The following FGF13 variants were observed in gnomAD, a reference collection of about 807,000 sequenced individuals.
FGF13 encodes the protein fibroblast growth factor 13.
FGF13 carries 2 observed loss-of-function variants against 19.5 expected under a neutral mutation model. The ratio of observed to expected loss-of-function variants is 0.10; its 90% CI spans 0.04 to 0.32. The LOEUF (loss-of-function observed/expected upper bound fraction) is 0.32. Ranked by LOEUF, FGF13 falls within the 10% of genes least tolerant of loss-of-function variation. The pLI, the probability that FGF13 is intolerant of heterozygous loss-of-function variation, is 1.00. For synonymous variants in FGF13, 72 were observed against 76.9 expected, an observed-to-expected ratio of 0.94 and a Z score of 0.33; for missense variants, 113 against 192.7, an observed-to-expected ratio of 0.59 and a Z score of 2.45.
At position 138,631,334 on chromosome X, in the gene FGF13, C is replaced by A. The variant is rs2089113814; in HGVS notation, c.*1516G>T. The A allele has an allele frequency of 8.9e-6, 1 of 111,994 alleles. No homozygotes were observed. Among genetic ancestry groups the A allele is most frequent in the African/African-American group, 3.2e-5 (1 of 30,818 alleles). 9.2% of individuals were successfully genotyped at this position (111,994 alleles called of 1,213,427 possible). Reference sequence around the variant, plus strand: ...GGCAGAGAAAATACTAGCACAAACGCCTCATTTGTATAATTTGACTACTGA... The same window carrying A: ...GGCAGAGAAAATACTAGCACAAACGACTCATTTGTATAATTTGACTACTGA... On this transcript the variant is annotated 3_prime_UTR_variant, in exon 5 of 5. Coordinates refer to ENST00000315930, the MANE Select transcript of FGF13 (RefSeq NM_004114.5).
intron 1 of FGF13, among the ~76,000 whole-genome samples, chrX:138,950,510 C>T (rs2091805655): frequency 9.0e-6 from 1 of 111,710 alleles, no homozygotes; most frequent in Non-Finnish European, 1.9e-5. Context: ...GTCATATGTC[C>T]TTGTATTCAA....
intron 3 of FGF13, among the ~76,000 whole-genome samples, chrX:138,689,647 G>T (rs1459564637): frequency 1.8e-5 from 2 of 112,003 alleles, no homozygotes; most frequent in Non-Finnish European, 3.8e-5. Context: ...TGAAGAGAAA[G>T]CATACCTCAA....
chrX:138,656,667 T>A (rs1490264604), intron 3 of FGF13, among the ~76,000 whole-genome samples: 1 of 111,856 alleles, frequency 8.9e-6, no homozygotes, highest in African/African-American at 3.2e-5. Flanking sequence ...AGCATATGGG[T>A]TTAACACTAA....
At chrX:139,008,245 C>T (rs910196266) in intron 1 of FGF13, among the ~76,000 whole-genome samples, 1 of 111,776 alleles carries the variant, frequency 8.9e-6, no homozygotes, top group Admixed American at 9.4e-5. Context: ...AGATCATAAT[C>T]TCTCTGGAGC....
At chrX:138,667,809 C>T (rs943744283) in intron 3 of FGF13, 1 of 330,537 alleles carries the variant, frequency 3.0e-6, no homozygotes, top group African/African-American at 2.7e-5. Context: ...CAACATTCCA[C>T]TCCATATTTT....
intron 1 of FGF13, among the ~76,000 whole-genome samples, chrX:138,992,769 G>T (rs2124349297): frequency 8.9e-6 from 1 of 111,887 alleles, no homozygotes; most frequent in African/African-American, 3.2e-5. Flanking sequence ...AAATGTTGAT[G>T]AGTGCTAAAA....
chrX:138,784,506 A>T (rs2090677530), intron 3 of FGF13, among the ~76,000 whole-genome samples: 1 of 109,764 alleles, frequency 9.1e-6, no homozygotes, highest in African/African-American at 3.3e-5. Context: ...TCCCTATTTT[A>T]CTTGATATCT....
At chrX:139,000,478 T>G (rs1199449346) in intron 1 of FGF13, among the ~76,000 whole-genome samples, 1 of 112,095 alleles carries the variant, frequency 8.9e-6, no homozygotes, top group Non-Finnish European at 1.9e-5. Context: ...GATAAGCAAC[T>G]TCAGCAAAGT....
intron 3 of FGF13, among the ~76,000 whole-genome samples, chrX:138,750,596 C>T (rs899936322): frequency 9.0e-6 from 1 of 110,745 alleles, no homozygotes; most frequent in Non-Finnish European, 1.9e-5. Context: ...GACAGCTCAT[C>T]CTACATACCA....
chrX:138,892,002 A>ATATATGTGTGTGTGTGTG (rs756839627), intron 1 of FGF13, among the ~76,000 whole-genome samples: 3 of 90,386 alleles, frequency 3.3e-5, no homozygotes, highest in African/African-American at 1.3e-4. Context: ...ATATATACAT[A>ATATATGTGTGTGTGTGTG]TGTGTGTGTG....
intron 1 of FGF13, among the ~76,000 whole-genome samples, chrX:138,949,040 A>G (rs645824): frequency 0.05 from 5,563 of 111,660 alleles, 145 homozygotes; most frequent in East Asian, 0.17. Context: ...TAGCTGGGCC[A>G]GGATTACAGC....
chrX:138,754,121 A>C (rs1478865062), intron 3 of FGF13, among the ~76,000 whole-genome samples: 1 of 112,082 alleles, frequency 8.9e-6, no homozygotes, highest in Non-Finnish European at 1.9e-5. Flanking sequence ...TGGAATTTTG[A>C]GTAGAAGGCA....
At chrX:138,699,352 CCTTT>C (rs766927313) in intron 3 of FGF13, among the ~76,000 whole-genome samples, 3 of 111,787 alleles carry the variant, frequency 2.7e-5, no homozygotes, top group South Asian at 3.7e-4. Context: ...GTAATCACTC[CCTTT>C]CTATTTGTTC....
At chrX:138,962,229 C>A (rs1383399327) in intron 1 of FGF13, among the ~76,000 whole-genome samples, 7 of 112,206 alleles carry the variant, frequency 6.2e-5, no homozygotes, top group Non-Finnish European at 1.3e-4. Flanking sequence ...ATGCAGCCAA[C>A]AGACACATGA....
chrX:138,800,261 C>G (rs1249950122), intron 3 of FGF13, among the ~76,000 whole-genome samples: 1 of 111,937 alleles, frequency 8.9e-6, no homozygotes, highest in Non-Finnish European at 1.9e-5. Context: ...TCCTGTAAGG[C>G]AAGCCTGGCG....
At chrX:138,819,740 A>G (rs763248506) in intron 3 of FGF13, among the ~76,000 whole-genome samples, 2 of 112,308 alleles carry the variant, frequency 1.8e-5, no homozygotes, top group South Asian at 3.7e-4. Flanking sequence ...GTTTAAAATC[A>G]GCACATATAA....
At chrX:139,160,986 C>T (rs1313536300) in intron 1 of FGF13, among the ~76,000 whole-genome samples, 2 of 112,029 alleles carry the variant, frequency 1.8e-5, no homozygotes, top group African/African-American at 6.5e-5. Context: ...TCCTCCCTAA[C>T]TCATTTTATG....
intron 3 of FGF13, among the ~76,000 whole-genome samples, chrX:138,823,196 A>G (rs2091011043): frequency 9.0e-6 from 1 of 111,304 alleles, no homozygotes. Context: ...TACAGTTGTA[A>G]TATATTAAAC....
At chrX:138,763,408 C>A (rs2090481215) in intron 3 of FGF13, among the ~76,000 whole-genome samples, 1 of 111,719 alleles carries the variant, frequency 9.0e-6, no homozygotes. Flanking sequence ...ATAGAGAACA[C>A]ACTCCACAAG....
Sources: allele counts gnomAD v4.1 joint callset (sites outside exome capture counted in the v4.1 genomes callset), GRCh38; gene constraint gnomAD v4.1.1; transcripts MANE v1.5; gene names NCBI Gene and HGNC (gene_info 2026-07-23, HGNC 2026-07-21).